The following STXBP4 variants were observed in gnomAD, a reference collection of about 807,000 sequenced individuals.
The protein encoded by STXBP4 is syntaxin binding protein 4.
In STXBP4, 55 loss-of-function variants were observed where a neutral mutation model predicts 76.1. The observed-to-expected ratio is 0.72, with a 90% CI of 0.58 to 0.91. The LOEUF (loss-of-function observed/expected upper bound fraction) is 0.91. Ranked by LOEUF, STXBP4 falls within the 40% of genes least tolerant of loss-of-function variation. The pLI is 0.00. For synonymous variants in STXBP4, 201 were observed against 220.2 expected, an observed-to-expected ratio of 0.91 and a Z score of 0.77; for missense variants, 618 against 636.9, an observed-to-expected ratio of 0.97 and a Z score of 0.32.
chr17:55,125,987 G>T (rs537102034), intron 16 of STXBP4, among the ~76,000 whole-genome samples: 2 of 152,082 alleles, frequency 1.3e-5, no homozygotes, highest in Non-Finnish European at 1.5e-5. Flanking sequence ...AATATAGGGC[G>T]CATTGCAAAC....
Position 55,031,174 on chromosome 17 carries a change from A to C in STXBP4, c.673A>C (p.Asn225His), listed in dbSNP as rs1312079946. ...TGAGTCCTTTATCTTCCAGGCTCTA[A>C]ATTATCTTGGTATTCAGCCCACAAA... ...FKAEKLEMAL[N>H]YLGIQPTKEQ... Residue 225 changes from asparagine (N) to histidine (H), a missense_variant, in exon 9 of 18, where the codon AAT becomes CAT. Physicochemically the swap from Asn to His is moderately conservative, Grantham distance 68 (BLOSUM62 1). Transcript: ENST00000376352. The C allele has an allele frequency of 6.2e-7, 1 of 1,612,756 alleles. No homozygotes were observed. The highest frequency in any genetic ancestry group is 8.5e-7 in the Non-Finnish European group (1 of 1,179,136).
At chr17:55,157,883 T>C (rs1354819731) in intron 17 of STXBP4, among the ~76,000 whole-genome samples, 1 of 152,210 alleles carries the variant, frequency 6.6e-6, no homozygotes, top group Non-Finnish European at 1.5e-5. Context: ...TTGTGTTCTA[T>C]GGAACACTGG....
chr17:54,981,289 T>C (rs1163711055), intron 1 of STXBP4, among the ~76,000 whole-genome samples: 3 of 151,796 alleles, frequency 2.0e-5, no homozygotes, highest in East Asian at 1.9e-4. Flanking sequence ...CCAGGGAAAC[T>C]TGGTTAACAA....
At chr17:55,073,225 A>T (rs1715370157) in intron 13 of STXBP4, 149 bp downstream of exon 13, 2 of 747,996 alleles carry the variant, frequency 2.7e-6, no homozygotes, top group South Asian at 3.8e-5. Context: ...CCTGATGGGG[A>T]TAATGTAAAG....
intron 12 of STXBP4, among the ~76,000 whole-genome samples, chr17:55,072,568 G>T (rs567479958): frequency 9.9e-5 from 15 of 152,024 alleles, no homozygotes; most frequent in African/African-American, 2.4e-4. Flanking sequence ...CTTGAGTTTT[G>T]TTGTAGCCTA....
intron 12 of STXBP4, among the ~76,000 whole-genome samples, chr17:55,058,561 A>C (rs910855454): frequency 3.9e-5 from 6 of 152,176 alleles, no homozygotes; most frequent in Non-Finnish European, 7.3e-5. Context: ...ACATTTTATC[A>C]TAAGTTTGGA....
At chr17:54,982,615 TG>T (rs1474313376) in intron 1 of STXBP4, among the ~76,000 whole-genome samples, 2 of 151,832 alleles carry the variant, frequency 1.3e-5, no homozygotes, top group African/African-American at 2.4e-5. Flanking sequence ...TGTGTGTGTG[TG>T]TGTGTGTGTG....
intron 17 of STXBP4, among the ~76,000 whole-genome samples, chr17:55,153,176 G>A (rs896878568): frequency 6.6e-6 from 1 of 152,082 alleles, no homozygotes; most frequent in Admixed American, 6.6e-5. Flanking sequence ...TTTATACTAA[G>A]GTCCTAAAAG....
intron 16 of STXBP4, among the ~76,000 whole-genome samples, chr17:55,110,307 C>G (rs1168379723): frequency 2.0e-5 from 3 of 152,192 alleles, no homozygotes; most frequent in Non-Finnish European, 4.4e-5. Flanking sequence ...CTTAATTTTC[C>G]TTTGCCATGT....
At chr17:55,035,309 A>G (rs1166606054) in intron 10 of STXBP4, among the ~76,000 whole-genome samples, 5 of 151,916 alleles carry the variant, frequency 3.3e-5, no homozygotes, top group African/African-American at 7.2e-5. Flanking sequence ...TTATTATACA[A>G]TTCTTTTAAA....
chr17:55,089,140 A>C (rs537322907), intron 16 of STXBP4, among the ~76,000 whole-genome samples: 40 of 152,318 alleles, frequency 2.6e-4, no homozygotes, highest in African/African-American at 9.4e-4. Context: ...AATGTAGTAC[A>C]TATGAAATTC....
chr17:55,076,694 G>A (rs2079186477), intron 13 of STXBP4, among the ~76,000 whole-genome samples: 4 of 152,110 alleles, frequency 2.6e-5, no homozygotes, highest in Admixed American at 2.6e-4. Context: ...AATGTCTTCT[G>A]CCATTTCTGG....
At chr17:55,025,139 T>A (rs919761361) in intron 8 of STXBP4, among the ~76,000 whole-genome samples, 1 of 148,830 alleles carries the variant, frequency 6.7e-6, no homozygotes, top group Admixed American at 7.1e-5. Context: ...AGACTCCGTC[T>A]CAAAAAAAAA....
At chr17:55,057,253 C>A (rs2078937141) in intron 12 of STXBP4, among the ~76,000 whole-genome samples, 1 of 152,162 alleles carries the variant, frequency 6.6e-6, no homozygotes, top group Non-Finnish European at 1.5e-5. Context: ...TACAGAAAAT[C>A]TTCGTAAATC....
At position 55,047,130 on chromosome 17, in the gene STXBP4, A is replaced by C. The variant is rs2078800734; in HGVS notation, c.987A>C (p.Thr329=). 1.2e-6 allele frequency: 2 copies of C among 1,608,142 alleles called. No homozygotes were observed. Residue 329 remains threonine (T), a synonymous_variant, in exon 12 of 18, where the codon ACA becomes ACC. Transcript: ENST00000376352. ...LESDKQRKQL[T]EELQNVKQEA... ...CAGATAAGCAAAGGAAACAATTGAC[A>C]GAAGAGCTCCAGAATGTGAAACAAG... is the stretch of plus-strand genomic sequence containing the variant.
rs555919776 is a variant in STXBP4, at chr17:55,010,063, T to C, written c.666+2466T>C. ...TTTAAAATAAAATAAAATAAAATAG[T>C]ATATTTTTTAATCTTCTATAAACAT... On this transcript the variant is annotated intron_variant, in intron 8 of 17. Coordinates refer to ENST00000376352, the MANE Select transcript of STXBP4 (RefSeq NM_178509.6). Among the ~76,000 whole-genome samples the C allele has an allele frequency of 4.6e-5, 7 of 152,038 alleles. No individual in the cohort carries two copies. In the South Asian group the frequency reaches 1.2e-3, roughly 27 times the overall value.
intron 1 of STXBP4, among the ~76,000 whole-genome samples, chr17:54,976,002 C>CT (rs962518730): frequency 7.2e-5 from 11 of 151,996 alleles, no homozygotes; most frequent in African/African-American, 2.2e-4. Context: ...TTAATTGTAT[C>CT]TTTTTTTTAT....
At chr17:54,982,491 A>G (rs980071485) in intron 1 of STXBP4, among the ~76,000 whole-genome samples, 2 of 152,092 alleles carry the variant, frequency 1.3e-5, no homozygotes, top group African/African-American at 4.8e-5. Context: ...GATTCACCAA[A>G]CTAGAATAAC....
At chr17:54,986,038 A>G (rs768505242) in intron 2 of STXBP4, 104 bp from the exon 3 acceptor site, 79 of 614,896 alleles carry the variant, frequency 1.3e-4, no homozygotes, top group Non-Finnish European at 2.1e-4. Flanking sequence ...ATACAGGCTT[A>G]TATTATTTAT....
Sources: gnomAD v4.1 joint callset for allele counts (sites outside exome capture counted in the v4.1 genomes callset) on GRCh38, gnomAD v4.1.1 for gene constraint, MANE v1.5 for transcripts, NCBI Gene and HGNC (gene_info 2026-07-23, HGNC 2026-07-21) for gene names.